Variants in TMCO4 observed in about 807,000 individuals in gnomAD.
TMCO4 encodes transmembrane and coiled-coil domain-containing protein 4.
TMCO4 carries 58 observed loss-of-function variants against 64.7 expected under a neutral mutation model. That is an observed-to-expected ratio of 0.90 (90% CI 0.73 to 1.12). The LOEUF is 1.12. Ranked by LOEUF, TMCO4 falls within the 50% of genes most tolerant of loss-of-function variation. TMCO4 has a pLI of 0.00. For missense variants in TMCO4, 780 were observed against 825.9 expected (o/e 0.94, Z 0.68); for synonymous variants, 325 against 346.1 (o/e 0.94, Z 0.68).
At chr1:19,722,803 G>C (rs7523625) in intron 13 of TMCO4, among the ~76,000 whole-genome samples, 1 of 152,164 alleles carries the variant, frequency 6.6e-6, no homozygotes, top group Non-Finnish European at 1.5e-5. Context: ...CACAAGCTCT[G>C]ACCCTGGGGC....
chr1:19,708,533 TGCACAAAGCGGG>T (rs2095314025), intron 13 of TMCO4, among the ~76,000 whole-genome samples: 1 of 152,182 alleles, frequency 6.6e-6, no homozygotes, highest in African/African-American at 2.4e-5. Flanking sequence ...ATTCTTAAAA[TGCACAAAGCGGG>T]GCCAGCCCTT....
At chr1:19,792,759 A>C (rs1466790242) in intron 2 of TMCO4, among the ~76,000 whole-genome samples, 1 of 133,120 alleles carries the variant, frequency 7.5e-6, no homozygotes, top group Non-Finnish European at 1.6e-5. Flanking sequence ...GTGAAGGTCA[A>C]GGTCAATTTT....
At chr1:19,737,777 C>T (rs537954221) in intron 12 of TMCO4, among the ~76,000 whole-genome samples, 1 of 152,388 alleles carries the variant, frequency 6.6e-6, no homozygotes. Flanking sequence ...TAGTCAATTA[C>T]AAGAGCAACT....
chr1:19,757,885 T>C (rs754651677), intron 6 of TMCO4, among the ~76,000 whole-genome samples: 4 of 152,222 alleles, frequency 2.6e-5, no homozygotes, highest in Non-Finnish European at 4.4e-5. Context: ...TATGACATGC[T>C]TCCAAATTGA....
chr1:19,755,114 A>G lies in TMCO4; in HGVS notation c.515+520T>C, dbSNP rs188826310. On this transcript the variant is annotated intron_variant, in intron 7 of 15. Coordinates refer to ENST00000294543, the MANE Select transcript of TMCO4 (RefSeq NM_181719.7). ...GATTCAAGGCCCTTAGCAATCATTC[A>G]TTCCATCTTTTCTTTTCTTTTCTTT... is the stretch of plus-strand genomic sequence containing the variant. Among the ~76,000 whole-genome samples, 50 of 152,204 alleles carry G rather than the reference A, an allele frequency of 3.3e-4. 1 individual carries two copies. The highest frequency in any genetic ancestry group is 1.6e-4 in the Non-Finnish European group (11 of 68,012).
intron 2 of TMCO4, among the ~76,000 whole-genome samples, chr1:19,790,410 A>G (rs2043973584): frequency 6.6e-6 from 1 of 152,240 alleles, no homozygotes; most frequent in South Asian, 2.1e-4. Flanking sequence ...AGTTTTTGCA[A>G]TCTATCCATC....
At chr1:19,753,353 T>C (rs1301739010) in intron 7 of TMCO4, among the ~76,000 whole-genome samples, 1 of 152,190 alleles carries the variant, frequency 6.6e-6, no homozygotes, top group East Asian at 1.9e-4. Flanking sequence ...TGATATGTGT[T>C]AAGTAATTTA....
intron 13 of TMCO4, among the ~76,000 whole-genome samples, chr1:19,729,727 T>C (rs981338340): frequency 6.6e-6 from 1 of 152,000 alleles, no homozygotes; most frequent in African/African-American, 2.4e-5. Flanking sequence ...ATTGCACCAC[T>C]GCACTCCAGC....
chr1:19,755,830 A>G, intron 6 of TMCO4, 64 bp from the exon 7 acceptor site: 1 of 1,597,866 alleles, frequency 6.3e-7, no homozygotes, highest in Non-Finnish European at 8.6e-7. Context: ...TGATGTTAGC[A>G]GTGTAACTGA....
intron 2 of TMCO4, among the ~76,000 whole-genome samples, chr1:19,797,327 A>G (rs1268591764): frequency 2.6e-5 from 4 of 152,140 alleles, no homozygotes; most frequent in Non-Finnish European, 4.4e-5. Context: ...TGGCCTGGGC[A>G]TTTGGAGTAC....
At chr1:19,792,234 G>T (rs767115529) in intron 2 of TMCO4, among the ~76,000 whole-genome samples, 1 of 152,160 alleles carries the variant, frequency 6.6e-6, no homozygotes, top group African/African-American at 2.4e-5. Context: ...AAGAGGATGC[G>T]ATCTCCAGGG....
intron 2 of TMCO4, among the ~76,000 whole-genome samples, chr1:19,788,969 G>T (rs1343690494): frequency 6.6e-6 from 1 of 152,082 alleles, no homozygotes; most frequent in Non-Finnish European, 1.5e-5. Flanking sequence ...CAGCTACTCA[G>T]GAGGCTGAGG....
At chr1:19,702,576 A>T (rs2095280347) in intron 13 of TMCO4, among the ~76,000 whole-genome samples, 1 of 152,116 alleles carries the variant, frequency 6.6e-6, no homozygotes, top group African/African-American at 2.4e-5. Context: ...CCTGGGCCAC[A>T]GATTGAGATT....
chr1:19,747,130 C>A, intron 8 of TMCO4, 33 bp downstream of exon 8: 1 of 1,606,996 alleles, frequency 6.2e-7, no homozygotes, highest in Non-Finnish European at 8.5e-7. Flanking sequence ...CTACAAAACC[C>A]AGACGTGTGC....
intron 13 of TMCO4, among the ~76,000 whole-genome samples, chr1:19,724,060 T>C (rs1424626190): frequency 3.3e-5 from 5 of 151,868 alleles, no homozygotes; most frequent in Non-Finnish European, 5.9e-5. Context: ...AGGCTAAGAG[T>C]CTTGGAAAGA....
At chr1:19,733,125 G>C (rs2095437230) in intron 13 of TMCO4, among the ~76,000 whole-genome samples, 1 of 151,972 alleles carries the variant, frequency 6.6e-6, no homozygotes, top group Admixed American at 6.6e-5. Context: ...AAATTTGCTG[G>C]GCAATGTTGC....
At chr1:19,773,095 C>A (rs1256370044) in intron 4 of TMCO4, among the ~76,000 whole-genome samples, 1 of 152,188 alleles carries the variant, frequency 6.6e-6, no homozygotes, top group Non-Finnish European at 1.5e-5. Flanking sequence ...GAGGCTGAGG[C>A]ACAAGAGTCG....
At chr1:19,683,750 G>A (rs928710341) in intron 15 of TMCO4, among the ~76,000 whole-genome samples, 8 of 139,832 alleles carry the variant, frequency 5.7e-5, no homozygotes, top group African/African-American at 2.2e-4. Context: ...CTCGTTCTTT[G>A]TCTGAAGCTT....
rs202243040 is a variant in TMCO4 at position 19,700,910 on chromosome 1, C to A, written c.1265-25G>T. On this transcript the variant is annotated intron_variant, in intron 13 of 15. Transcript: ENST00000294543. Reference sequence around the variant, plus strand: ...TCTGGCAAAAGACCCCAGAAAAGGCCGTCAGTGTCCCTGGCCACATTGGGT... The same window carrying A: ...TCTGGCAAAAGACCCCAGAAAAGGCAGTCAGTGTCCCTGGCCACATTGGGT... 343 of 1,604,836 alleles carry A rather than the reference C, an allele frequency of 2.1e-4. 3 individuals are homozygous for A. The East Asian group carries it at 7.6e-3, about 35-fold the overall frequency.
Sources: allele counts gnomAD v4.1 joint callset (sites outside exome capture counted in the v4.1 genomes callset), GRCh38; gene constraint gnomAD v4.1.1; transcripts MANE v1.5; gene names NCBI Gene and HGNC (gene_info 2026-07-23, HGNC 2026-07-21).